The following UQCC2 variants were observed in gnomAD, a reference collection of about 807,000 sequenced individuals.
The protein encoded by UQCC2 is breast cancer-associated protein SGA-81M.
A neutral mutation model predicts 19.9 loss-of-function variants in UQCC2; 21 were observed. The observed-to-expected ratio is 1.05, with a 90% confidence interval of 0.75 to 1.52. The LOEUF (loss-of-function observed/expected upper bound fraction) is 1.52. UQCC2 is among the 40% of genes most tolerant of loss of function. The pLI is 0.00. For synonymous variants in UQCC2, 57 were observed against 60.9 expected, an observed-to-expected ratio of 0.94 and a Z score of 0.30; for missense variants, 135 against 157.5, an observed-to-expected ratio of 0.86 and a Z score of 0.76.
chr6:33,709,415 G>T (rs1554141616), intron 1 of UQCC2, among the ~76,000 whole-genome samples: 2 of 132,684 alleles, frequency 1.5e-5, no homozygotes, highest in Non-Finnish European at 3.3e-5. Flanking sequence ...TTTACTGAGT[G>T]TTTTTTTATG....
intron 1 of UQCC2, among the ~76,000 whole-genome samples, chr6:33,706,394 AGAC>A (rs1765698392): frequency 6.6e-6 from 1 of 152,212 alleles, no homozygotes; most frequent in South Asian, 2.1e-4. Flanking sequence ...GGGGCCACAA[AGAC>A]GACGACCCAG....
intron 3 of UQCC2, among the ~76,000 whole-genome samples, chr6:33,699,284 G>C (rs900627319): frequency 6.6e-6 from 1 of 152,212 alleles, no homozygotes; most frequent in African/African-American, 2.4e-5. Flanking sequence ...CAAATTTCCT[G>C]AACTAAACTC....
chr6:33,704,912 C>T lies in UQCC2; in HGVS notation c.139-3492G>A, dbSNP rs548804837. On this transcript the variant is annotated intron_variant, in intron 1 of 3. Transcript: ENST00000607484. ...GCCACGTAGTCCCATCCCTGATGAG[C>T]AGCAGGACAGACAGGAGGGGCATGG... Among the ~76,000 whole-genome samples, 6 of 152,288 alleles carry T rather than the reference C, an allele frequency of 3.9e-5. No homozygotes were observed. In the South Asian group the frequency reaches 6.2e-4, roughly 16 times the overall value.
chr6:33,710,198 C>A (rs1035159711), intron 1 of UQCC2, among the ~76,000 whole-genome samples: 1 of 152,182 alleles, frequency 6.6e-6, no homozygotes, highest in Non-Finnish European at 1.5e-5. Flanking sequence ...TCCAACCCCC[C>A]ACCATCTGTC....
At position 33,697,327 on chromosome 6, in the gene UQCC2, G is replaced by T; in HGVS notation, c.*326C>A. The T allele has an allele frequency of 3.9e-6, 1 of 257,428 alleles. No homozygotes were observed. Among genetic ancestry groups the T allele is most frequent in the Non-Finnish European group, 7.4e-6 (1 of 135,992 alleles). The allele number at this position is 257,428 out of a possible 1,614,324, so 15.9% of individuals were successfully genotyped here. A position where few individuals can be genotyped will look rare whatever the true frequency, so the allele number is the denominator to read the frequency against. ...CTGAGTATCTTGCCAGGAGACACCAGACCCGTGCCAGAGGGGCGGGGGCTC... is the reference window on the plus strand; with the variant it reads ...CTGAGTATCTTGCCAGGAGACACCATACCCGTGCCAGAGGGGCGGGGGCTC... On this transcript the variant is annotated 3_prime_UTR_variant, in exon 4 of 4. Coordinates refer to ENST00000607484, the MANE Select transcript of UQCC2 (RefSeq NM_032340.4).
At chr6:33,702,353 A>G (rs1008162880) in intron 1 of UQCC2, among the ~76,000 whole-genome samples, 1 of 151,634 alleles carries the variant, frequency 6.6e-6, no homozygotes, top group Non-Finnish European at 1.5e-5. Flanking sequence ...AAAAAAAATC[A>G]TCTGAGTTCT....
rs75454217 is a variant in UQCC2, at chr6:33,708,569, C to T, written c.138+2980G>A. On this transcript the variant is annotated intron_variant, in intron 1 of 3. Transcript: ENST00000607484. ...TGAGAGGAGGACTGACTGCCTCTCT[C>T]CTCTACGGAAATGGAAAGACGGCAT... Among the ~76,000 whole-genome samples, 47 of 152,290 alleles carry T rather than the reference C, an allele frequency of 3.1e-4. No individual in the cohort carries two copies. The East Asian group carries it at 8.9e-3, about 29-fold the overall frequency.
intron 1 of UQCC2, among the ~76,000 whole-genome samples, 166 bp downstream of exon 1, chr6:33,711,383 G>C (rs948285272): frequency 6.6e-6 from 1 of 152,228 alleles, no homozygotes; most frequent in Non-Finnish European, 1.5e-5. Context: ...TGAATACAAC[G>C]GGCGTCGCTA....
rs1224552946 is a variant in UQCC2, at chr6:33,700,496, GTC to G, written c.229_230del (p.Asp77HisfsTer24). 6.2e-7 allele frequency: 1 copy of G among 1,614,188 alleles called. No individual in the cohort carries two copies. Among genetic ancestry groups the G allele is most frequent in the South Asian group, 1.1e-5 (1 of 91,084 alleles). On this transcript the variant is annotated frameshift_variant, in exon 3 of 4. Coordinates refer to ENST00000607484, the MANE Select transcript of UQCC2 (RefSeq NM_032340.4). LOFTEE classifies it high-confidence loss of function. Reference protein sequence around the residue: ...YYKHKYPRPRDTSFSGLSLEE... With the variant: ...YYKHKYPRPRXTSFSGLSLEE... ...CCAACGACAGGCCACTGAAGCTGGT[GTC>G]TCTGGGGCGAGGGTACTGGTCACCG...
At chr6:33,701,019 GT>G (rs1269761089) in intron 2 of UQCC2, among the ~76,000 whole-genome samples, 1 of 152,224 alleles carries the variant, frequency 6.6e-6, no homozygotes, top group African/African-American at 2.4e-5. Context: ...GTGGGGAGGT[GT>G]CAGTTCCGTC....
intron 1 of UQCC2, among the ~76,000 whole-genome samples, chr6:33,706,091 C>T (rs546607901): frequency 2.0e-5 from 3 of 152,278 alleles, no homozygotes; most frequent in South Asian, 4.1e-4. Flanking sequence ...GCACTGATTT[C>T]GATTTTGCAA....
intron 1 of UQCC2, among the ~76,000 whole-genome samples, chr6:33,708,862 C>T (rs1279266846): frequency 3.9e-5 from 6 of 152,194 alleles, no homozygotes; most frequent in Non-Finnish European, 7.3e-5. Flanking sequence ...CAGGTGCATT[C>T]TCAGGTGACA....
chr6:33,702,035 C>G (rs754080459), intron 1 of UQCC2, among the ~76,000 whole-genome samples: 5 of 152,082 alleles, frequency 3.3e-5, no homozygotes, highest in Non-Finnish European at 7.4e-5. Flanking sequence ...GAGACAGTCT[C>G]TCACTCTATT....
chr6:33,706,164 C>T (rs529236921), intron 1 of UQCC2, among the ~76,000 whole-genome samples: 3 of 152,170 alleles, frequency 2.0e-5, no homozygotes, highest in Non-Finnish European at 2.9e-5. Flanking sequence ...CACAAAGGGA[C>T]GCATAAGCAC....
Position 33,711,699 on chromosome 6 carries a change from G to C in UQCC2, c.-13C>G, listed in dbSNP as rs549529831. On this transcript the variant is annotated 5_prime_UTR_variant, in exon 1 of 4. Transcript: ENST00000607484. Reference sequence around the variant, plus strand: ...GGCTGGCCGCCATCTTGGGCCCCGCGTGTTCCCGCCTTAGCGGGAGGAGTC... The same window carrying C: ...GGCTGGCCGCCATCTTGGGCCCCGCCTGTTCCCGCCTTAGCGGGAGGAGTC... 4.6e-5 allele frequency: 74 copies of C among 1,603,986 alleles called. No homozygotes were observed. The highest frequency in any genetic ancestry group is 5.9e-5 in the Non-Finnish European group (69 of 1,176,588).
intron 1 of UQCC2, among the ~76,000 whole-genome samples, chr6:33,702,233 C>T (rs985011081): frequency 1.3e-5 from 2 of 152,024 alleles, no homozygotes; most frequent in Non-Finnish European, 2.9e-5. Flanking sequence ...GTTTCGAACT[C>T]CTGACCTCAA....
chr6:33,703,158 C>A (rs779687216), intron 1 of UQCC2, among the ~76,000 whole-genome samples: 1 of 152,190 alleles, frequency 6.6e-6, no homozygotes, highest in Non-Finnish European at 1.5e-5. Context: ...CACATCTGGG[C>A]GAACACATCT....
At chr6:33,699,309 C>T (rs571444138) in intron 3 of UQCC2, among the ~76,000 whole-genome samples, 3 of 152,252 alleles carry the variant, frequency 2.0e-5, no homozygotes, top group Non-Finnish European at 2.9e-5. Flanking sequence ...CCAGAACAAG[C>T]TGCAGCGCGG....
intron 3 of UQCC2, among the ~76,000 whole-genome samples, chr6:33,699,325 T>C (rs2127333192): frequency 6.6e-6 from 1 of 152,340 alleles, no homozygotes; most frequent in African/African-American, 2.4e-5. Context: ...CGCGGACCAA[T>C]GGCGGGACTA....
Sources: allele counts gnomAD v4.1 joint callset (sites outside exome capture counted in the v4.1 genomes callset), GRCh38; gene constraint gnomAD v4.1.1; transcripts MANE v1.5; gene names NCBI Gene and HGNC (gene_info 2026-07-23, HGNC 2026-07-21).